The following SEMA6D variants were observed in gnomAD, a reference collection of about 807,000 sequenced individuals.
The protein encoded by SEMA6D is semaphorin-6D.
Under a neutral mutation model 106.6 loss-of-function variants are expected in SEMA6D, and 35 were observed. That is an observed-to-expected ratio of 0.33 (90% CI 0.25 to 0.44). SEMA6D has a LOEUF of 0.44. Ranked by LOEUF, SEMA6D falls within the 20% of genes least tolerant of loss-of-function variation. SEMA6D has a pLI of 1.00. For synonymous variants in SEMA6D, 499 were observed against 487.7 expected (o/e 1.02, Z -0.31); for missense variants, 1,185 against 1,345.9 (o/e 0.88, Z 1.87).
chr15:47,320,078 C>T (rs996195351), intron 1 of SEMA6D, among the ~76,000 whole-genome samples: 2 of 152,134 alleles, frequency 1.3e-5, no homozygotes, highest in South Asian at 2.1e-4. Context: ...CATATGTTCA[C>T]CTCTTTCTTT....
At chr15:47,693,657 A>G (rs2078637119) in intron 4 of SEMA6D, among the ~76,000 whole-genome samples, 1 of 152,130 alleles carries the variant, frequency 6.6e-6, no homozygotes, top group Admixed American at 6.5e-5. Context: ...TCTGTGGGCC[A>G]GATGCCATGG....
intron 1 of SEMA6D, among the ~76,000 whole-genome samples, chr15:47,294,655 CACAGAACACAAA>C (rs1316391927): frequency 5.9e-5 from 9 of 152,180 alleles, no homozygotes; most frequent in African/African-American, 1.9e-4. Context: ...TTCTGTCTTG[CACAGAACACAAA>C]ACAAAACATT....
At chr15:47,310,024 G>A (rs1415829261) in intron 1 of SEMA6D, among the ~76,000 whole-genome samples, 1 of 152,110 alleles carries the variant, frequency 6.6e-6, no homozygotes. Context: ...ACAAGAAAAG[G>A]GAACATGGTT....
chr15:47,192,302 A>G (rs1394723273), intron 1 of SEMA6D, among the ~76,000 whole-genome samples: 1 of 152,140 alleles, frequency 6.6e-6, no homozygotes, highest in Non-Finnish European at 1.5e-5. Context: ...CTCCCACATA[A>G]TCTACCTCCT....
chr15:47,648,416 C>T (rs893915006), intron 4 of SEMA6D, among the ~76,000 whole-genome samples: 1 of 152,186 alleles, frequency 6.6e-6, no homozygotes, highest in Non-Finnish European at 1.5e-5. Flanking sequence ...TCCCATCTTG[C>T]ACCCTGACCT....
chr15:47,682,481 T>A (rs188079633), intron 4 of SEMA6D, among the ~76,000 whole-genome samples: 11 of 152,356 alleles, frequency 7.2e-5, no homozygotes, highest in Admixed American at 5.2e-4. Flanking sequence ...GTGCCACTTT[T>A]GTGTCAGTTA....
intron 1 of SEMA6D, chr15:47,730,504 C>G (rs577459783): frequency 2.3e-6 from 3 of 1,293,570 alleles, no homozygotes; most frequent in East Asian, 2.3e-5. Flanking sequence ...TATTGTCCAC[C>G]AAGGTGGTGA....
chr15:47,449,445 A>G (rs1053613180), intron 2 of SEMA6D, among the ~76,000 whole-genome samples: 1 of 152,094 alleles, frequency 6.6e-6, no homozygotes, highest in Non-Finnish European at 1.5e-5. Flanking sequence ...GCATTTGGCT[A>G]TCTGCATCTG....
At chr15:47,550,463 T>C (rs532107505) in intron 3 of SEMA6D, among the ~76,000 whole-genome samples, 3 of 152,310 alleles carry the variant, frequency 2.0e-5, no homozygotes, top group South Asian at 2.1e-4. Context: ...TGTATAGATA[T>C]GGATAGAACA....
chr15:47,254,875 T>TGTGTGTG (rs375376803), intron 1 of SEMA6D, among the ~76,000 whole-genome samples: 10 of 134,404 alleles, frequency 7.4e-5, no homozygotes, highest in Middle Eastern at 8.1e-3. Context: ...ACCTGTGGTT[T>TGTGTGTG]TGTGTGTGTG....
At chr15:47,320,161 C>T (rs2036867831) in intron 1 of SEMA6D, among the ~76,000 whole-genome samples, 1 of 152,164 alleles carries the variant, frequency 6.6e-6, no homozygotes, top group South Asian at 2.1e-4. Flanking sequence ...TTTATTCCCT[C>T]TGCCTTTCTG....
At chr15:47,527,172 T>A (rs1345235401) in intron 3 of SEMA6D, among the ~76,000 whole-genome samples, 5 of 151,740 alleles carry the variant, frequency 3.3e-5, no homozygotes, top group Non-Finnish European at 7.4e-5. Flanking sequence ...ACTTTTCTAA[T>A]AAAAAGACAA....
chr15:47,344,043 C>T (rs1215634604), intron 1 of SEMA6D, among the ~76,000 whole-genome samples: 2 of 152,156 alleles, frequency 1.3e-5, no homozygotes, highest in African/African-American at 4.8e-5. Flanking sequence ...TACCATCTCA[C>T]ACCAGTTAGA....
At chr15:47,693,256 A>T (rs944616261) in intron 4 of SEMA6D, among the ~76,000 whole-genome samples, 5 of 152,158 alleles carry the variant, frequency 3.3e-5, no homozygotes, top group Non-Finnish European at 5.9e-5. Context: ...TACAAGTCCA[A>T]GGGAGAGCCC....
intron 4 of SEMA6D, among the ~76,000 whole-genome samples, chr15:47,672,137 G>A (rs760633980): frequency 1.7e-4 from 26 of 152,020 alleles, no homozygotes; most frequent in Admixed American, 3.3e-4. Flanking sequence ...ACACATGGGG[G>A]ATCCAAGACA....
rs34338089 is a variant in SEMA6D, at chr15:47,296,497, C to G, written c.-239+112079C>G. Among the ~76,000 whole-genome samples the G allele has an allele frequency of 6.7e-3, 1,027 of 152,336 alleles. 30 individuals are homozygous for G. The highest frequency in any genetic ancestry group is 0.061 in the Admixed American group (933 of 15,300). The stretch of plus-strand genomic sequence containing the variant: ...TCCAGATAACCAGCTGACATTTATA[C>G]ATTTTCTTATTCATTGAAGCCTGTG... On this transcript the variant is annotated intron_variant, in intron 1 of 19. Coordinates refer to the SEMA6D transcript ENST00000558014.
chr15:47,327,999 G>A (rs945825483), intron 1 of SEMA6D, among the ~76,000 whole-genome samples: 5 of 152,060 alleles, frequency 3.3e-5, no homozygotes, highest in African/African-American at 1.2e-4. Flanking sequence ...TAACATTTTT[G>A]TTCATGGATC....
chr15:47,411,901 A>G (rs562540917), intron 1 of SEMA6D, among the ~76,000 whole-genome samples: 8 of 151,160 alleles, frequency 5.3e-5, no homozygotes, highest in African/African-American at 1.9e-4. Context: ...GAGTAAGAGT[A>G]TAGGTTATCC....
intron 4 of SEMA6D, among the ~76,000 whole-genome samples, chr15:47,625,785 T>A (rs1232193789): frequency 6.6e-6 from 1 of 152,018 alleles, no homozygotes; most frequent in Non-Finnish European, 1.5e-5. Flanking sequence ...ATTATATGCA[T>A]GATTACGTAC....
Sources: allele counts gnomAD v4.1 joint callset (sites outside exome capture counted in the v4.1 genomes callset), GRCh38; gene constraint gnomAD v4.1.1; transcripts MANE v1.5; gene names NCBI Gene and HGNC (gene_info 2026-07-23, HGNC 2026-07-21).